The following PTGIS variants were observed in gnomAD, a reference collection of about 807,000 sequenced individuals.
PTGIS encodes the protein prostaglandin I2 synthase.
Under a neutral mutation model 50.3 loss-of-function variants are expected in PTGIS, and 45 were observed. The ratio of observed to expected loss-of-function variants is 0.90; its 90% CI spans 0.70 to 1.15. The LOEUF (loss-of-function observed/expected upper bound fraction) is 1.15, where lower values mean the gene tolerates loss of function less well. Among genes scored for constraint, PTGIS ranks in the 50% most tolerant of loss-of-function variants. The pLI is 0.00. For missense variants in PTGIS, 668 were observed against 661.3 expected, an observed-to-expected ratio of 1.01 and a Z score of -0.11; for synonymous variants, 260 against 267.7, an observed-to-expected ratio of 0.97 and a Z score of 0.28.
intron 8 of PTGIS, 116 bp from the exon 9 acceptor site, chr20:49,511,295 A>G: frequency 1.6e-6 from 2 of 1,216,740 alleles, no homozygotes; most frequent in South Asian, 1.3e-5. Flanking sequence ...ACTGGAAACC[A>G]TATACAGGTC....
At chr20:49,530,254 C>T (rs527566107) in intron 5 of PTGIS, among the ~76,000 whole-genome samples, 2 of 152,044 alleles carry the variant, frequency 1.3e-5, no homozygotes, top group Non-Finnish European at 2.9e-5. Context: ...CTGACATCCA[C>T]TGGGGGTCTT....
chr20:49,564,709 C>T (rs1341650342), intron 1 of PTGIS, among the ~76,000 whole-genome samples: 2 of 152,130 alleles, frequency 1.3e-5, no homozygotes, highest in African/African-American at 4.8e-5. Flanking sequence ...GAGTTGCTCA[C>T]TCCCAGAAGT....
intron 3 of PTGIS, among the ~76,000 whole-genome samples, chr20:49,545,242 C>T (rs768351718): frequency 6.6e-6 from 1 of 151,950 alleles, no homozygotes; most frequent in Non-Finnish European, 1.5e-5. Flanking sequence ...TCTGCCTTTA[C>T]AAAAATAGAA....
rs187969444 is a variant in PTGIS at position 49,561,946 on chromosome 20, C to T, written c.74+6097G>A. 1.1e-3 allele frequency among the ~76,000 whole-genome samples: 175 copies of T among 152,228 alleles called. 1 individual carries two copies. The highest frequency in any genetic ancestry group is 4.0e-3 in the African/African-American group (166 of 41,538). ...GAAATAATGGCTAACATTTAATGAA[C>T]GCTGATGGTGTGGGAGACACCACAC... is the stretch of plus-strand genomic sequence containing the variant. On this transcript the variant is annotated intron_variant, in intron 1 of 9. Coordinates refer to ENST00000244043, the MANE Select transcript of PTGIS (RefSeq NM_000961.4).
At chr20:49,561,366 T>A (rs1982769293) in intron 1 of PTGIS, among the ~76,000 whole-genome samples, 3 of 152,154 alleles carry the variant, frequency 2.0e-5, no homozygotes, top group Admixed American at 6.5e-5. Flanking sequence ...CCCCAGCCCA[T>A]CCCGGCTTCT....
At chr20:49,531,175 G>A (rs150673201) in intron 5 of PTGIS, among the ~76,000 whole-genome samples, 5 of 152,256 alleles carry the variant, frequency 3.3e-5, no homozygotes, top group East Asian at 1.9e-4. Context: ...TAAACCACGC[G>A]AAATAATTTT....
At chr20:49,529,035 T>C (rs548319034) in intron 5 of PTGIS, among the ~76,000 whole-genome samples, 4 of 152,300 alleles carry the variant, frequency 2.6e-5, no homozygotes, top group African/African-American at 9.6e-5. Flanking sequence ...TTGTACAACA[T>C]GATGTTTTGA....
rs1210735650 is a variant in PTGIS at position 49,514,263 on chromosome 20, G to C, written c.988C>G (p.Leu330Val). ...AEQPVSQTTT[L>V]PQKVLDSTPV... ...GTGCTGTCTAGAACCTTCTGTGGGA[G>C]AGTGGTCGTCTGCGAGACAGGCTGC... is the stretch of plus-strand genomic sequence containing the variant. The change falls in exon 7 of 10, where the codon CTC (leucine) becomes GTC (valine). Residue 330 changes from leucine (L) to valine (V), a missense_variant. By Grantham distance (32) the Leu-to-Val change is conservative. Transcript: ENST00000244043. 1 of 1,613,980 alleles carries C rather than the reference G, an allele frequency of 6.2e-7. No individual in the cohort carries two copies. Among genetic ancestry groups the C allele is most frequent in the East Asian group, 2.2e-5 (1 of 44,890 alleles).
intron 5 of PTGIS, among the ~76,000 whole-genome samples, chr20:49,530,182 G>C (rs1981902010): frequency 6.6e-6 from 1 of 151,090 alleles, no homozygotes; most frequent in Non-Finnish European, 1.5e-5. Flanking sequence ...ATTAAACTCT[G>C]TCATAGTTAT....
At chr20:49,562,668 G>A (rs529790744) in intron 1 of PTGIS, among the ~76,000 whole-genome samples, 2 of 152,304 alleles carry the variant, frequency 1.3e-5, no homozygotes, top group Admixed American at 1.3e-4. Context: ...CCGGTTTCCT[G>A]CCCACCCTGG....
chr20:49,568,018 G>A, intron 1 of PTGIS, 25 bp downstream of exon 1: 2 of 1,473,176 alleles, frequency 1.4e-6, no homozygotes, highest in Non-Finnish European at 1.8e-6. Flanking sequence ...TTGTCTGGCG[G>A]GGCCGAGCGG....
rs1048362344 is a variant in PTGIS, at chr20:49,552,408, C to T, written c.75-2219G>A. On this transcript the variant is annotated intron_variant, in intron 1 of 9. Transcript: ENST00000244043. ...ATCTACCTATCTAAATAAAGTTTGTCTCCTCATAAAATCCTACAGAAGATT... is the reference window on the plus strand; with the variant it reads ...ATCTACCTATCTAAATAAAGTTTGTTTCCTCATAAAATCCTACAGAAGATT... Among the ~76,000 whole-genome samples the T allele has an allele frequency of 1.2e-4, 19 of 152,128 alleles. No individual in the cohort carries two copies. The East Asian group carries it at 2.5e-3, about 20-fold the overall frequency.
chr20:49,524,035 C>T, intron 6 of PTGIS, 23 bp downstream of exon 6: 1 of 1,614,072 alleles, frequency 6.2e-7, no homozygotes, highest in Non-Finnish European at 8.5e-7. Context: ...CCTGCACACA[C>T]CCACTTGCAC....
In PTGIS at chr20:49,513,904, G is replaced by C. The variant is rs117864465; in HGVS notation, c.1024+323C>G. 3.9e-5 allele frequency among the ~76,000 whole-genome samples: 6 copies of C among 152,356 alleles called. No individual in the cohort carries two copies. In the East Asian group the frequency reaches 9.6e-4, roughly 24 times the overall value. On this transcript the variant is annotated intron_variant, in intron 7 of 9. Transcript: ENST00000244043. ...CAGTGGGAAACAGGGCTGAGAGGTG[G>C]AGAGGAACTGAGTAGTCCTGACGAC...
Position 49,565,719 on chromosome 20 carries a change from G to C in PTGIS, c.74+2324C>G, listed in dbSNP as rs562061306. Among the ~76,000 whole-genome samples the C allele has an allele frequency of 2.0e-5, 3 of 152,244 alleles. No individual in the cohort carries two copies. In the South Asian group the frequency reaches 6.2e-4, roughly 32 times the overall value. ...CAGAGTTTTAATCCAGACAGACCTT[G>C]AGCAAGTTGCTTAGCCTTTCTGAGC... On this transcript the variant is annotated intron_variant, in intron 1 of 9. Transcript: ENST00000244043.
At chr20:49,560,957 G>A (rs909034030) in intron 1 of PTGIS, among the ~76,000 whole-genome samples, 4 of 152,162 alleles carry the variant, frequency 2.6e-5, no homozygotes, top group Non-Finnish European at 4.4e-5. Context: ...GGTCATACCA[G>A]AGAAAGACAA....
chr20:49,514,751 T>C (rs1214646750), intron 6 of PTGIS, among the ~76,000 whole-genome samples: 2 of 152,218 alleles, frequency 1.3e-5, no homozygotes, highest in Admixed American at 6.5e-5. Flanking sequence ...TTGGCCCCAA[T>C]TCTTCCCCAA....
chr20:49,557,949 GAA>G (rs1982658778), intron 1 of PTGIS, among the ~76,000 whole-genome samples: 1 of 152,042 alleles, frequency 6.6e-6, no homozygotes, highest in South Asian at 2.1e-4. Flanking sequence ...CGTCTTTGGA[GAA>G]AGGCACAGAC....
At position 49,507,446 on chromosome 20, in the gene PTGIS, G is replaced by A. The variant is rs1981183065; in HGVS notation, c.*474C>T. On this transcript the variant is annotated 3_prime_UTR_variant, in exon 10 of 10. Transcript: ENST00000244043. ...GTTTTAGCTAGTTTAAGGATTATTG[G>A]GGGACTGACTGCTGAATGACATCAA... The A allele has an allele frequency of 3.9e-6, 1 of 256,274 alleles. No individual in the cohort carries two copies. Among genetic ancestry groups the A allele is most frequent in the African/African-American group, 2.2e-5 (1 of 44,930 alleles). The allele number at this position is 256,274 out of a possible 1,614,324, so 15.9% of individuals were successfully genotyped here.
Sources: allele counts gnomAD v4.1 joint callset (sites outside exome capture counted in the v4.1 genomes callset), GRCh38; gene constraint gnomAD v4.1.1; transcripts MANE v1.5; gene names NCBI Gene and HGNC (gene_info 2026-07-23, HGNC 2026-07-21).